The following COL18A1 variants were observed in gnomAD, a reference collection of about 807,000 sequenced individuals.
COL18A1 encodes collagen type XVIII alpha 1 chain.
A neutral mutation model predicts 168.0 loss-of-function variants in COL18A1; 133 were observed. The ratio of observed to expected loss-of-function variants is 0.79; its 90% CI spans 0.69 to 0.91. COL18A1 has a LOEUF of 0.91. Among genes scored for constraint, COL18A1 ranks in the 40% least tolerant of loss-of-function variants. The probability of loss-of-function intolerance (pLI) is 0.00; values close to 1 mark genes in which losing one functional copy is unlikely to be tolerated. For synonymous variants in COL18A1, 949 were observed against 809.0 expected (o/e 1.17, Z -2.94); for missense variants, 2,126 against 1,925.4 (o/e 1.10, Z -1.95).
At chr21:45,501,464 G>A (rs181800244) in intron 32 of COL18A1, among the ~76,000 whole-genome samples, 1 of 152,260 alleles carries the variant, frequency 6.6e-6, no homozygotes, top group African/African-American at 2.4e-5. Flanking sequence ...GTGACCCCAC[G>A]AGTGCAGTAG....
chr21:45,487,709 C>T (rs1027724379), intron 17 of COL18A1, 200 bp downstream of exon 17: 6 of 714,848 alleles, frequency 8.4e-6, no homozygotes, highest in East Asian at 8.1e-5. Flanking sequence ...ACTAAAGTCA[C>T]GGGGTGAGGG....
chr21:45,501,688 C>CT, intron 32 of COL18A1, among the ~76,000 whole-genome samples: 6 of 147,800 alleles, frequency 4.1e-5, no homozygotes, highest in African/African-American at 1.5e-4. Flanking sequence ...CAGAAGGACC[C>CT]CCAGGGGCTC....
chr21:45,449,806 G>A (rs545037962), intron 2 of COL18A1, among the ~76,000 whole-genome samples: 24 of 152,330 alleles, frequency 1.6e-4, no homozygotes, highest in African/African-American at 4.6e-4. Context: ...GCCGCTGGCC[G>A]GGTTGTGCCC....
In COL18A1 at chr21:45,439,853, C is replaced by G. The variant is rs114465799; in HGVS notation, c.107-28389C>G. Among the ~76,000 whole-genome samples the G allele has an allele frequency of 5.8e-3, 888 of 152,374 alleles. 10 individuals carry two copies. The highest frequency in any genetic ancestry group is 0.02 in the African/African-American group (835 of 41,586). ...AGTGCTCAGTGCGAGCCTGTGAAGT[C>G]CATTACAGTCTCCGGCTGTGAATGT... On this transcript the variant is annotated intron_variant, in intron 2 of 41. Transcript: ENST00000651438.
At chr21:45,502,383 C>G (rs533324218) in intron 32 of COL18A1, 2 of 152,308 alleles carry the variant, frequency 1.3e-5, no homozygotes, top group South Asian at 4.1e-4. Flanking sequence ...TCTCCGTTGA[C>G]AAAATTACAG....
chr21:45,480,639 T>G (rs1399311146), intron 12 of COL18A1, 61 bp from the exon 13 acceptor site: 27 of 1,611,010 alleles, frequency 1.7e-5, no homozygotes, highest in Middle Eastern at 1.7e-4. Context: ...GTTCTGGGGG[T>G]GGTGGTCATC....
Position 45,491,262 on chromosome 21 carries a change from TCCCTGGCCC to T in COL18A1, c.2109_2117del (p.Pro709_Pro711del), listed in dbSNP as rs769276494. ...AAGGACGGAGTCGGGCAGCCGGGCC[TCCCTGGCCC>T]CCCCGGACCCCCGGGACCTGTGGTC... On this transcript the variant is annotated inframe_deletion, in exon 22 of 42. Coordinates refer to ENST00000651438, the MANE Select transcript of COL18A1 (RefSeq NM_001379500.1). 50 of 1,612,276 alleles carry T rather than the reference TCCCTGGCCC, an allele frequency of 3.1e-5. 2 individuals carry two copies. The Middle Eastern group carries it at 9.9e-4, about 32-fold the overall frequency.
Position 45,480,621 on chromosome 21 carries a change from T to C in COL18A1, c.1453-79T>C, listed in dbSNP as rs554239183. 6.8e-6 allele frequency: 11 copies of C among 1,612,632 alleles called. No individual in the cohort carries two copies. In the African/African-American group the frequency reaches 1.3e-4, roughly 20 times the overall value. ...GCTGGGGTCCTGTGGGGGGTGGGGA[T>C]GAGGCCCGTTCTGGGGGTGGTGGTC... On this transcript the variant is annotated intron_variant, in intron 12 of 41. Coordinates refer to ENST00000651438, the MANE Select transcript of COL18A1 (RefSeq NM_001379500.1).
At chr21:45,437,549 C>T (rs2034184787) in intron 2 of COL18A1, among the ~76,000 whole-genome samples, 1 of 65,818 alleles carries the variant, frequency 1.5e-5, no homozygotes, top group Non-Finnish European at 3.0e-5. Context: ...CTCTCCTGCA[C>T]ACACACACAC....
chr21:45,504,085 C>T (rs761888817), intron 33 of COL18A1, 31 bp downstream of exon 33: 10 of 1,612,178 alleles, frequency 6.2e-6, no homozygotes, highest in South Asian at 4.4e-5. Context: ...GTTGGGGGCC[C>T]CCAAGGTCCT....
In COL18A1 at chr21:45,473,435, A is replaced by G. The variant is rs1365408345; in HGVS notation, c.652-460A>G. Among the ~76,000 whole-genome samples the G allele has an allele frequency of 6.6e-6, 1 of 152,226 alleles. No homozygotes were observed. On this transcript the variant is annotated intron_variant, in intron 3 of 41. Coordinates refer to ENST00000651438, the MANE Select transcript of COL18A1 (RefSeq NM_001379500.1). This position sits in a 1 kb window ranked among gnomAD's most constrained non-coding sequence, Gnocchi z 4.0. ...TTTTTGATGAAAAGGTGAAGTTCAA[A>G]GAAAGCAAAGCCATGGTGCCACCTC...
chr21:45,454,466 G>A (rs555403260), intron 2 of COL18A1, among the ~76,000 whole-genome samples: 1 of 152,156 alleles, frequency 6.6e-6, no homozygotes, highest in Non-Finnish European at 1.5e-5. Flanking sequence ...GAGGGGGTGG[G>A]TGGATTGTGG....
In COL18A1 at chr21:45,486,897, G is replaced by T; in HGVS notation, c.1738G>T (p.Gly580Trp). 6.6e-7 allele frequency: 1 copy of T among 1,525,402 alleles called. No individual in the cohort carries two copies. The allele number at this position is 1,525,402 out of a possible 1,614,324, so 94.5% of individuals were successfully genotyped here. A position where few individuals can be genotyped will look rare whatever the true frequency, so the allele number is the denominator to read the frequency against. The change falls in exon 16 of 42, where the codon GGG becomes TGG. Residue 580 changes from glycine to tryptophan, a missense_variant. Physicochemically the swap from Gly to Trp is radical, Grantham distance 184. Transcript: ENST00000651438. ...KGAPGPAGAR[G>W]ESGLAGAPGP... ...AGCCCCCGGTCCTGCTGGTGCTCGTGGGGAGAGCGGCCTGGCAGGAGCCCC... is the reference window on the plus strand; with the variant it reads ...AGCCCCCGGTCCTGCTGGTGCTCGTTGGGAGAGCGGCCTGGCAGGAGCCCC...
At position 45,505,819 on chromosome 21, in the gene COL18A1, C is replaced by A. The variant is rs746149956; in HGVS notation, c.3088-19C>A. ...GCCCTCCCCGCCAAGCCCCACACCT[C>A]TGCATTTGGTCCCAGCAGGTGAGGC... On this transcript the variant is annotated intron_variant, in intron 36 of 41. Transcript: ENST00000651438. The A allele has an allele frequency of 2.0e-5, 32 of 1,571,188 alleles. No individual in the cohort carries two copies. The highest frequency in any genetic ancestry group is 5.2e-6 in the Non-Finnish European group (6 of 1,150,342).
chr21:45,416,661 G>T (rs1298656731), intron 2 of COL18A1, among the ~76,000 whole-genome samples: 3 of 152,154 alleles, frequency 2.0e-5, no homozygotes, highest in Admixed American at 6.5e-5. Context: ...TCCAGCTTAG[G>T]CTCAGCAGGT....
intron 39 of COL18A1, 51 bp downstream of exon 39, chr21:45,509,652 G>A (rs1025307354): frequency 3.6e-5 from 35 of 983,714 alleles, no homozygotes; most frequent in East Asian, 5.2e-5. Flanking sequence ...CTCGGCTCTC[G>A]GCAGCAGAAG....
At chr21:45,447,228 AT>A (rs113351216) in intron 2 of COL18A1, among the ~76,000 whole-genome samples, 43 of 151,194 alleles carry the variant, frequency 2.8e-4, no homozygotes, top group African/African-American at 1.0e-3. Context: ...CATATATATC[AT>A]ATATCATATG....
intron 2 of COL18A1, among the ~76,000 whole-genome samples, chr21:45,439,265 G>A (rs1173877921): frequency 6.6e-6 from 1 of 152,256 alleles, no homozygotes; most frequent in Admixed American, 6.5e-5. Flanking sequence ...AGGCAGGCCT[G>A]GACCGCCCGA....
rs1568904132 is a variant in COL18A1 at position 45,477,498 on chromosome 21, C to G, written c.1005+11C>G. The G allele has an allele frequency of 1.3e-6, 2 of 1,599,488 alleles. No individual in the cohort carries two copies. Among genetic ancestry groups the G allele is most frequent in the Non-Finnish European group, 1.7e-6 (2 of 1,172,684 alleles). ...GGCCGCGTGAAAGAGGTAAGGCCACCTCCCTGTGCTCCTGAACCATTCTGA... is the reference window on the plus strand; with the variant it reads ...GGCCGCGTGAAAGAGGTAAGGCCACGTCCCTGTGCTCCTGAACCATTCTGA... On this transcript the variant is annotated intron_variant, in intron 7 of 41. Transcript: ENST00000651438.
Sources: allele counts gnomAD v4.1 joint callset (sites outside exome capture counted in the v4.1 genomes callset), GRCh38; gene constraint gnomAD v4.1.1; non-coding constraint Gnocchi (gnomAD v3.1); transcripts MANE v1.5; gene names NCBI Gene and HGNC (gene_info 2026-07-23, HGNC 2026-07-21).